Variants in MACROD2 observed in about 807,000 individuals in gnomAD.
MACROD2 encodes mono-ADP ribosylhydrolase 2.
MACROD2 carries 36 observed loss-of-function variants against 70.4 expected under a neutral mutation model. That is an observed-to-expected ratio of 0.51 (90% CI 0.39 to 0.68). MACROD2 has a LOEUF of 0.68. Ranked by LOEUF, MACROD2 falls within the 30% of genes least tolerant of loss-of-function variation. The pLI, the probability that MACROD2 is intolerant of heterozygous loss-of-function variation, is 0.00. For synonymous variants in MACROD2, 172 were observed against 178.8 expected (o/e 0.96, Z 0.30); for missense variants, 496 against 538.4 (o/e 0.92, Z 0.78).
At chr20:14,705,867 A>C (rs1426410771) in intron 5 of MACROD2, among the ~76,000 whole-genome samples, 1 of 152,024 alleles carries the variant, frequency 6.6e-6, no homozygotes, top group Non-Finnish European at 1.5e-5. Flanking sequence ...TGTGAGATGG[A>C]GTCTAGATTT....
chr20:15,268,869 C>T (rs868635138), intron 6 of MACROD2, among the ~76,000 whole-genome samples: 26 of 151,982 alleles, frequency 1.7e-4, no homozygotes, highest in African/African-American at 2.2e-4. Flanking sequence ...GAACTCCCCA[C>T]GGGAAAAAAA....
chr20:14,902,472 T>A (rs1331963215), intron 5 of MACROD2, among the ~76,000 whole-genome samples: 1 of 152,194 alleles, frequency 6.6e-6, no homozygotes, highest in African/African-American at 2.4e-5. Context: ...ATAATCTTCC[T>A]GAGGCATTCT....
At chr20:15,673,712 A>G (rs1767744926) in intron 8 of MACROD2, among the ~76,000 whole-genome samples, 1 of 152,134 alleles carries the variant, frequency 6.6e-6, no homozygotes, top group Non-Finnish European at 1.5e-5. Flanking sequence ...TATTTAAGAA[A>G]AACTTTTGCA....
At chr20:14,105,472 G>A (rs922565107) in intron 3 of MACROD2, among the ~76,000 whole-genome samples, 3 of 152,170 alleles carry the variant, frequency 2.0e-5, no homozygotes, top group South Asian at 2.1e-4. Flanking sequence ...AGCCAGAGGC[G>A]AATTGCCCAT....
intron 8 of MACROD2, among the ~76,000 whole-genome samples, chr20:15,804,752 CTGGCTTCCAACTGCAAATACCTG>C (rs1427787463): frequency 2.0e-5 from 3 of 152,186 alleles, no homozygotes; most frequent in East Asian, 3.9e-4. Flanking sequence ...AGCCAGTCTG[CTGGCTTCCAACTGCAAATACCTG>C]TGACTCTTTG....
chr20:14,343,763 A>G (rs1459056944), intron 3 of MACROD2, among the ~76,000 whole-genome samples: 1 of 152,212 alleles, frequency 6.6e-6, no homozygotes, highest in Non-Finnish European at 1.5e-5. Flanking sequence ...GCTTTGGAGG[A>G]ATGACTAACA....
chr20:15,402,299 T>A (rs1390208658), intron 6 of MACROD2, among the ~76,000 whole-genome samples: 1 of 152,194 alleles, frequency 6.6e-6, no homozygotes, highest in African/African-American at 2.4e-5. Context: ...AAAGATAAAC[T>A]TGGCTGTGTA....
At chr20:15,804,120 G>C (rs1306208843) in intron 8 of MACROD2, among the ~76,000 whole-genome samples, 1 of 152,172 alleles carries the variant, frequency 6.6e-6, no homozygotes, top group Non-Finnish European at 1.5e-5. Flanking sequence ...TGATGAAGTG[G>C]CTTAAAATCA....
chr20:15,200,401 A>C (rs889650613), intron 5 of MACROD2, among the ~76,000 whole-genome samples: 2 of 152,194 alleles, frequency 1.3e-5, no homozygotes, highest in African/African-American at 4.8e-5. Context: ...GGTGGGGTAA[A>C]GGTGAGAAAA....
intron 10 of MACROD2, among the ~76,000 whole-genome samples, chr20:15,919,745 A>AG (rs528931552): frequency 6.6e-6 from 1 of 152,094 alleles, no homozygotes; most frequent in East Asian, 1.9e-4. Flanking sequence ...AAAAAGAAGA[A>AG]GGGAAAAAAA....
At chr20:15,238,212 G>A (rs893142979) in intron 6 of MACROD2, among the ~76,000 whole-genome samples, 5 of 152,052 alleles carry the variant, frequency 3.3e-5, no homozygotes, top group Non-Finnish European at 7.4e-5. Flanking sequence ...TTAAAGTTAG[G>A]CATCCAAATT....
Position 15,677,201 on chromosome 20 carries a change from T to C in MACROD2, c.645+177354T>C, listed in dbSNP as rs114238027. 1.8e-3 allele frequency among the ~76,000 whole-genome samples: 267 copies of C among 152,344 alleles called. 2 individuals are homozygous for C. The highest frequency in any genetic ancestry group is 6.2e-3 in the African/African-American group (258 of 41,576). On this transcript the variant is annotated intron_variant, in intron 8 of 17. Coordinates refer to ENST00000684519, the MANE Select transcript of MACROD2 (RefSeq NM_001351661.2). ...GAGAATAAGTTGTCTCTTTGGACTA[T>C]TGTAGTAATCTCTTTGTAAATGTTT... is the stretch of plus-strand genomic sequence containing the variant.
intron 8 of MACROD2, among the ~76,000 whole-genome samples, chr20:15,562,212 A>G (rs1172802260): frequency 2.0e-5 from 3 of 151,880 alleles, no homozygotes; most frequent in Non-Finnish European, 4.4e-5. Context: ...TTTTTGGTAT[A>G]TTTCTAGCTC....
rs534016483 is a variant in MACROD2 at position 15,740,381 on chromosome 20, C to T, written c.646-122364C>T. ...TTACTATCTATAGCAGGGTCTTAGTCAAATTAATTCCCTGCAGAATGAAGA... is the reference window on the plus strand; with the variant it reads ...TTACTATCTATAGCAGGGTCTTAGTTAAATTAATTCCCTGCAGAATGAAGA... On this transcript the variant is annotated intron_variant, in intron 8 of 17. Transcript: ENST00000684519. Among the ~76,000 whole-genome samples the T allele has an allele frequency of 2.0e-5, 3 of 152,186 alleles. No individual in the cohort carries two copies. The South Asian group carries it at 6.2e-4, about 32-fold the overall frequency.
intron 6 of MACROD2, among the ~76,000 whole-genome samples, chr20:15,395,639 A>G (rs1260899046): frequency 2.0e-5 from 3 of 152,248 alleles, no homozygotes; most frequent in South Asian, 2.1e-4. Context: ...TACAAAAAGC[A>G]GGAAGTGAGC....
intron 8 of MACROD2, among the ~76,000 whole-genome samples, chr20:15,604,149 A>G (rs1055716642): frequency 6.6e-6 from 1 of 152,176 alleles, no homozygotes. Flanking sequence ...ATGGGCTTCT[A>G]TTAAGGCATG....
chr20:15,486,682 A>G (rs925876611), intron 7 of MACROD2, among the ~76,000 whole-genome samples: 6 of 152,178 alleles, frequency 3.9e-5, no homozygotes, highest in Admixed American at 2.6e-4. Flanking sequence ...TATGCAGAGA[A>G]TATTTTTACC....
chr20:15,559,769 G>T (rs941156121), intron 8 of MACROD2, among the ~76,000 whole-genome samples: 1 of 152,198 alleles, frequency 6.6e-6, no homozygotes, highest in Non-Finnish European at 1.5e-5. Flanking sequence ...TTTCTATGAA[G>T]TTCTCTGCCT....
chr20:14,169,933 G>A (rs369622760), intron 3 of MACROD2, among the ~76,000 whole-genome samples: 5 of 151,826 alleles, frequency 3.3e-5, no homozygotes, highest in East Asian at 2.0e-4. Context: ...TCGCTCTGTC[G>A]CCCAGGCTGG....
Sources: allele counts gnomAD v4.1 joint callset (sites outside exome capture counted in the v4.1 genomes callset), GRCh38; gene constraint gnomAD v4.1.1; transcripts MANE v1.5; gene names NCBI Gene and HGNC (gene_info 2026-07-23, HGNC 2026-07-21).